SAMSN1: variants seen among roughly 807,000 people sequenced by gnomAD.
SAMSN1 encodes the protein SAM domain, SH3 domain and nuclear localization signals 1, also known as SAM domain-containing protein SAMSN-1.
SAMSN1 carries 31 observed loss-of-function variants against 42.0 expected under a neutral mutation model. That is an observed-to-expected ratio of 0.74 (90% CI 0.55 to 1.00). The LOEUF (loss-of-function observed/expected upper bound fraction) is 1.00. Ranked by LOEUF, SAMSN1 falls within the 50% of genes least tolerant of loss-of-function variation. The probability of loss-of-function intolerance (pLI) is 0.00; values close to 1 mark genes in which losing one functional copy is unlikely to be tolerated. For missense variants in SAMSN1, 464 were observed against 439.4 expected (o/e 1.06, Z -0.50); for synonymous variants, 178 against 151.9 (o/e 1.17, Z -1.26).
At chr21:14,619,936 T>A (rs1187099006) in intron 2 of SAMSN1, among the ~76,000 whole-genome samples, 1 of 149,020 alleles carries the variant, frequency 6.7e-6, no homozygotes, top group Admixed American at 6.6e-5. Context: ...TAGAGCAGAA[T>A]ACCTGTCATT....
intron 2 of SAMSN1, among the ~76,000 whole-genome samples, chr21:14,559,527 T>A (rs1980873775): frequency 6.6e-6 from 1 of 152,036 alleles, no homozygotes; most frequent in South Asian, 2.1e-4. Context: ...TTCCAGAGAG[T>A]GGGGCTCTCT....
intron 2 of SAMSN1, among the ~76,000 whole-genome samples, chr21:14,628,693 G>A (rs760982400): frequency 6.6e-6 from 1 of 152,118 alleles, no homozygotes; most frequent in Non-Finnish European, 1.5e-5. Flanking sequence ...TTGGCAAAGG[G>A]GAATGTTGGT....
chr21:14,512,210 C>T (rs1161071706), intron 4 of SAMSN1, among the ~76,000 whole-genome samples: 25 of 152,004 alleles, frequency 1.6e-4, no homozygotes, highest in Non-Finnish European at 1.0e-4. Context: ...AGGAGTATCC[C>T]GAGGAGCCCC....
At chr21:14,587,903 C>A (rs56010646), upstream of SAMSN1, among the ~76,000 whole-genome samples, 2 of 109,652 alleles carry the variant, frequency 1.8e-5, no homozygotes, top group Admixed American at 2.1e-4. Context: ...CCCCTCCCCC[C>A]ACCCCGCAAC....
At chr21:14,568,597 T>C (rs1981193471) in intron 2 of SAMSN1, among the ~76,000 whole-genome samples, 1 of 152,166 alleles carries the variant, frequency 6.6e-6, no homozygotes, top group South Asian at 2.1e-4. Context: ...GAGGTCTTAG[T>C]GGTCATCTAG....
At position 14,512,507 on chromosome 21, in the gene SAMSN1, C is replaced by T; in HGVS notation, c.346G>A (p.Glu116Lys). 6.2e-7 allele frequency: 1 copy of T among 1,613,754 alleles called. No homozygotes were observed. Among genetic ancestry groups the T allele is most frequent in the Non-Finnish European group, 8.5e-7 (1 of 1,179,668 alleles). The stretch of plus-strand genomic sequence containing the variant: ...TCACTGGCTTTGAGGGACACCTTCT[C>T]TGTGTGGGTCCCAATCACAGGGTCA... ...NSDPVIGTHT[E>K]KVSLKASDSM... Residue 116 changes from glutamate (E) to lysine (K), a missense_variant, in exon 4 of 8, where the codon GAG (glutamate) becomes AAG (lysine). Coordinates refer to ENST00000400566, the MANE Select transcript of SAMSN1 (RefSeq NM_022136.5).
At chr21:14,599,392 G>A in intron 6 of SAMSN1, among the ~76,000 whole-genome samples, 1 of 152,148 alleles carries the variant, frequency 6.6e-6, no homozygotes, top group East Asian at 1.9e-4. Flanking sequence ...TGAAGAAGGT[G>A]CCTGCTTCTC....
At chr21:14,639,984 G>A (rs927986932) in intron 2 of SAMSN1, among the ~76,000 whole-genome samples, 1 of 152,132 alleles carries the variant, frequency 6.6e-6, no homozygotes, top group African/African-American at 2.4e-5. Context: ...CATTTACGAT[G>A]ATGTATGATA....
chr21:14,615,020 C>A (rs546394976), intron 3 of SAMSN1, among the ~76,000 whole-genome samples: 3 of 152,126 alleles, frequency 2.0e-5, no homozygotes, highest in South Asian at 4.1e-4. Context: ...CAATCATAAG[C>A]AAACGGCTAC....
At chr21:14,550,721 T>C (rs1277821474), upstream of SAMSN1, among the ~76,000 whole-genome samples, 1 of 152,048 alleles carries the variant, frequency 6.6e-6, no homozygotes, top group Non-Finnish European at 1.5e-5. Context: ...AGAATCTAAA[T>C]TCATTTTACC....
intron 2 of SAMSN1, among the ~76,000 whole-genome samples, chr21:14,634,060 T>C (rs139171752): frequency 6.6e-6 from 1 of 152,218 alleles, no homozygotes; most frequent in East Asian, 1.9e-4. Flanking sequence ...ATTTTATTAT[T>C]ATCATTATCC....
At chr21:14,555,060 ATT>A (rs1980718631) in intron 2 of SAMSN1, among the ~76,000 whole-genome samples, 1 of 152,160 alleles carries the variant, frequency 6.6e-6, no homozygotes, top group Non-Finnish European at 1.5e-5. Flanking sequence ...CTTTGAGACT[ATT>A]CAGGTCTGCA....
At chr21:14,503,189 A>G (rs79977972) in intron 5 of SAMSN1, among the ~76,000 whole-genome samples, 3,805 of 152,200 alleles carry the variant, frequency 0.025, 162 homozygotes, top group African/African-American at 0.087. Context: ...GAGTTAACTG[A>G]AAGGGAGATT....
At chr21:14,617,272 T>G (rs1293300104) in intron 2 of SAMSN1, among the ~76,000 whole-genome samples, 1 of 152,174 alleles carries the variant, frequency 6.6e-6, no homozygotes, top group Admixed American at 6.5e-5. Context: ...CTCCTTCCAT[T>G]CTCTATGCTT....
At chr21:14,644,037 T>C (rs1983657898) in intron 1 of SAMSN1, among the ~76,000 whole-genome samples, 1 of 152,098 alleles carries the variant, frequency 6.6e-6, no homozygotes, top group South Asian at 2.1e-4. Flanking sequence ...CCTGCAAACC[T>C]TGCCGCCCAG....
intron 6 of SAMSN1, among the ~76,000 whole-genome samples, chr21:14,599,996 C>T (rs1405657731): frequency 6.6e-6 from 1 of 152,158 alleles, no homozygotes; most frequent in African/African-American, 2.4e-5. Flanking sequence ...AATACCACTT[C>T]CTAGGCTCCA....
chr21:14,647,649 T>C (rs1301312503), intron 1 of SAMSN1, among the ~76,000 whole-genome samples: 2 of 138,878 alleles, frequency 1.4e-5, no homozygotes, highest in Non-Finnish European at 3.1e-5. Flanking sequence ...GTTTGTGTCC[T>C]CTTTTATTTC....
chr21:14,518,427 T>C (rs969366488), intron 2 of SAMSN1, among the ~76,000 whole-genome samples: 5 of 147,398 alleles, frequency 3.4e-5, no homozygotes, highest in African/African-American at 7.7e-5. Flanking sequence ...ATGAAACTTC[T>C]CATGTAGAAC....
rs547523317 is a variant in SAMSN1, at chr21:14,642,975, A to T, written c.156+27T>A. 124 of 714,518 alleles carry T rather than the reference A, an allele frequency of 1.7e-4. No individual in the cohort carries two copies. In the African/African-American group the frequency reaches 1.9e-3, roughly 11 times the overall value. The allele number at this position is 714,518 out of a possible 1,614,324, so 44.3% of individuals were successfully genotyped here. A position where few individuals can be genotyped will look rare whatever the true frequency, so the allele number is the denominator to read the frequency against. ...CTAGAACTATAATAGAGAAAAAAAA[A>T]TCCACTCCAGTCAATGCTTCACTCA... is the stretch of plus-strand genomic sequence containing the variant. On this transcript the variant is annotated intron_variant, in intron 2 of 15. Transcript: ENST00000647101.
Sources: allele counts gnomAD v4.1 joint callset (sites outside exome capture counted in the v4.1 genomes callset), GRCh38; gene constraint gnomAD v4.1.1; transcripts MANE v1.5; gene names NCBI Gene and HGNC (gene_info 2026-07-23, HGNC 2026-07-21).